The following KIAA1614 variants were observed in gnomAD, a reference collection of about 807,000 sequenced individuals.
The protein encoded by KIAA1614 is KIAA1614, also known as uncharacterized protein KIAA1614.
A neutral mutation model predicts 88.7 loss-of-function variants in KIAA1614; 76 were observed. That is an observed-to-expected ratio of 0.86 (90% CI 0.71 to 1.04). The LOEUF (loss-of-function observed/expected upper bound fraction) is 1.04, where lower values mean the gene tolerates loss of function less well. KIAA1614 is among the 50% of genes least tolerant of loss of function. KIAA1614 has a pLI of 0.00. For missense variants in KIAA1614, 1,553 were observed against 1,582.5 expected (o/e 0.98, Z 0.32); for synonymous variants, 714 against 675.5 (o/e 1.06, Z -0.88).
rs1407590876 is a variant in KIAA1614 at position 180,916,387 on chromosome 1, CA to C, written c.285del (p.Val96TrpfsTer6). On this transcript the variant is annotated frameshift_variant, in exon 2 of 9. Transcript: ENST00000367588. LOFTEE classifies it high-confidence loss of function. ...SKVRALKEKM[T>X]VAKQGVSPCS... ...GTGAGGGCTTTGAAGGAGAAGATGA[CA>C]GTGGCCAAACAGGGAGTGAGTCCCT... 1 of 1,614,190 alleles carries C rather than the reference CA, an allele frequency of 6.2e-7. No homozygotes were observed. The highest frequency in any genetic ancestry group is 8.5e-7 in the Non-Finnish European group (1 of 1,180,022).
At position 180,945,299 on chromosome 1, in the gene KIAA1614, G is replaced by A. The variant is rs753149585; in HGVS notation, c.3288-4G>A. On this transcript the variant is annotated splice_polypyrimidine_tract_variant and splice_region_variant and intron_variant, in intron 8 of 8. Coordinates refer to ENST00000367588, the MANE Select transcript of KIAA1614 (RefSeq NM_020950.2). ...CCCTCACTGTGTCTCTGGTTCCCTC[G>A]CAGGCCGGCCAAGACTTCACCACGG... is the stretch of plus-strand genomic sequence containing the variant. The A allele has an allele frequency of 5.7e-5, 90 of 1,577,622 alleles. No individual in the cohort carries two copies. Among genetic ancestry groups the A allele is most frequent in the Non-Finnish European group, 7.3e-5 (85 of 1,170,198 alleles).
At chr1:180,933,402 T>C (rs920454251) in intron 4 of KIAA1614, among the ~76,000 whole-genome samples, 64 of 152,212 alleles carry the variant, frequency 4.2e-4, no homozygotes, top group Middle Eastern at 3.4e-3. Flanking sequence ...CAGTTGGACC[T>C]ACAGACAGGA....
At position 180,920,489 on chromosome 1, in the gene KIAA1614, C is replaced by T. The variant is rs191265763; in HGVS notation, c.1061+2575C>T. Among the ~76,000 whole-genome samples the T allele has an allele frequency of 6.4e-3, 968 of 152,322 alleles. 10 individuals carry two copies. Among genetic ancestry groups the T allele is most frequent in the African/African-American group, 0.021 (867 of 41,574 alleles). On this transcript the variant is annotated intron_variant, in intron 3 of 8. Coordinates refer to ENST00000367588, the MANE Select transcript of KIAA1614 (RefSeq NM_020950.2). ...AGGACGTGCTCTGGCAGGAGGAAAGCGCAGGACCTCACTCATGAGGTCATG... is the reference window on the plus strand; with the variant it reads ...AGGACGTGCTCTGGCAGGAGGAAAGTGCAGGACCTCACTCATGAGGTCATG...
rs1202919084 is a variant in KIAA1614, at chr1:180,917,740, T to C, written c.998-111T>C. 6.9e-6 allele frequency: 6 copies of C among 872,370 alleles called. No homozygotes were observed. The African/African-American group carries it at 9.9e-5, about 14-fold the overall frequency. 54.0% of individuals were successfully genotyped at this position (872,370 alleles called of 1,614,324 possible). A position where few individuals can be genotyped will look rare whatever the true frequency, so the allele number is the denominator to read the frequency against. ...TTTCAGGCAAAGTGTTAGATTTATC[T>C]GGGGAGTAAGTTGCTTCTGGAGAAA... On this transcript the variant is annotated intron_variant, in intron 2 of 8. Transcript: ENST00000367588.
At chr1:180,915,940 C>T (rs773542457) in intron 1 of KIAA1614, among the ~76,000 whole-genome samples, 36 of 152,134 alleles carry the variant, frequency 2.4e-4, no homozygotes, top group Non-Finnish European at 4.1e-4. Context: ...CACCGCACCC[C>T]GCCCCCGATC....
At chr1:180,914,738 A>T (rs1429958851) in intron 1 of KIAA1614, among the ~76,000 whole-genome samples, 1 of 140,770 alleles carries the variant, frequency 7.1e-6, no homozygotes, top group Non-Finnish European at 1.6e-5. Context: ...TTTTATTTTT[A>T]TTTATTTTTT....
rs1400489685 is a variant in KIAA1614 at position 180,930,436 on chromosome 1, G to A, written c.1205+1863G>A. On this transcript the variant is annotated intron_variant, in intron 4 of 8. Coordinates refer to ENST00000367588, the MANE Select transcript of KIAA1614 (RefSeq NM_020950.2). ...TCCATCTCAAAAAAAAAAGGAATGG[G>A]CATGACTTCTTCAGGGCATCCTAAC... 4.6e-5 allele frequency among the ~76,000 whole-genome samples: 7 copies of A among 152,010 alleles called. 1 individual carries two copies. The highest frequency in any genetic ancestry group is 1.2e-4 in the African/African-American group (5 of 41,384).
chr1:180,931,845 G>A (rs760825964), intron 4 of KIAA1614, among the ~76,000 whole-genome samples: 3 of 152,150 alleles, frequency 2.0e-5, no homozygotes, highest in African/African-American at 4.8e-5. Flanking sequence ...TCCTGCCAGC[G>A]GACAGGGCAC....
chr1:180,937,117 G>A (rs1456607934), intron 5 of KIAA1614, among the ~76,000 whole-genome samples: 1 of 152,236 alleles, frequency 6.6e-6, no homozygotes, highest in East Asian at 1.9e-4. Context: ...ACATGGCTGA[G>A]GCCCTGCCCC....
At chr1:180,937,727 A>G (rs1654363299) in intron 5 of KIAA1614, among the ~76,000 whole-genome samples, 1 of 152,210 alleles carries the variant, frequency 6.6e-6, no homozygotes, top group Non-Finnish European at 1.5e-5. Flanking sequence ...GCACAGGGAC[A>G]CACAGACTTG....
rs1275828310 is a variant in KIAA1614, at chr1:180,913,096, C to A, written c.-148C>A. On this transcript the variant is annotated 5_prime_UTR_variant, in exon 1 of 9. Coordinates refer to ENST00000367588, the MANE Select transcript of KIAA1614 (RefSeq NM_020950.2). ...AGCTGGCCCGGCCTCGGCGCCGTCCCGGACCCCCAGTCGGCCGCGCCCCGA... is the reference window on the plus strand; with the variant it reads ...AGCTGGCCCGGCCTCGGCGCCGTCCAGGACCCCCAGTCGGCCGCGCCCCGA... 4.1e-6 allele frequency: 2 copies of A among 485,928 alleles called. No individual in the cohort carries two copies. The highest frequency in any genetic ancestry group is 9.3e-5 in the Admixed American group (2 of 21,518). The allele number at this position is 485,928 out of a possible 1,614,324, so 30.1% of individuals were successfully genotyped here.
Position 180,916,300 on chromosome 1 carries a change from C to A in KIAA1614, c.197C>A (p.Ala66Asp), listed in dbSNP as rs200657202. 8 of 1,610,996 alleles carry A rather than the reference C, an allele frequency of 5.0e-6. No individual in the cohort carries two copies. Among genetic ancestry groups the A allele is most frequent in the Admixed American group, 1.7e-5 (1 of 59,902 alleles). ...PQENRTSSLM[A>D]PQPPRVWGVQ... ...GAAAACAGAACATCCAGCCTGATGG[C>A]CCCCCAGCCTCCCAGGGTATGGGGA... Residue 66 changes from alanine to aspartate, a missense_variant, in exon 2 of 9, where the codon GCC becomes GAC. By Grantham distance (126) the Ala-to-Asp change is moderately radical (BLOSUM62 -2). Coordinates refer to ENST00000367588, the MANE Select transcript of KIAA1614 (RefSeq NM_020950.2).
At position 180,917,758 on chromosome 1, in the gene KIAA1614, T is replaced by C. The variant is rs113168559; in HGVS notation, c.998-93T>C. On this transcript the variant is annotated intron_variant, in intron 2 of 8. Transcript: ENST00000367588. ...ATTTATCTGGGGAGTAAGTTGCTTC[T>C]GGAGAAACTCTTCTCCTCAGTGTTC... The C allele has an allele frequency of 1.7e-4, 175 of 1,032,180 alleles. No homozygotes were observed. In the African/African-American group the frequency reaches 1.8e-3, roughly 11 times the overall value. 63.9% of individuals were successfully genotyped at this position (1,032,180 alleles called of 1,614,324 possible). A position where few individuals can be genotyped will look rare whatever the true frequency, so the allele number is the denominator to read the frequency against.
At position 180,945,977 on chromosome 1, in the gene KIAA1614, C is replaced by G. The variant is rs563788520; in HGVS notation, c.*389C>G. 58 of 198,380 alleles carry G rather than the reference C, an allele frequency of 2.9e-4. No homozygotes were observed. The highest frequency in any genetic ancestry group is 1.4e-3 in the African/African-American group (58 of 42,490). 12.3% of individuals were successfully genotyped at this position (198,380 alleles called of 1,614,324 possible). A position where few individuals can be genotyped will look rare whatever the true frequency, so the allele number is the denominator to read the frequency against. On this transcript the variant is annotated 3_prime_UTR_variant, in exon 9 of 9. Coordinates refer to ENST00000367588, the MANE Select transcript of KIAA1614 (RefSeq NM_020950.2). ...AATTAGCTGGGCGTGGTGGCGCATG[C>G]CTATAATCCCAGCTACTTGGGAGGC... is the stretch of plus-strand genomic sequence containing the variant.
Position 180,935,544 on chromosome 1 carries a change from C to T in KIAA1614, c.1635C>T (p.Asp545=). The change falls in exon 5 of 9, where the codon GAC becomes GAT. Residue 545 remains aspartate (D), a synonymous_variant. Coordinates refer to ENST00000367588, the MANE Select transcript of KIAA1614 (RefSeq NM_020950.2). This position sits in a 1 kb window ranked among gnomAD's most constrained non-coding sequence, Gnocchi z 6.1. ...AGGCCTGCGGCAGCTGCATCGACGA[C>T]CCGCGCCCCGCCCAGGGGAAGGCGC... is the stretch of plus-strand genomic sequence containing the variant. The part of the protein sequence containing the change: ...RCQACGSCID[D]PRPAQGKAPP... 1 of 1,584,652 alleles carries T rather than the reference C, an allele frequency of 6.3e-7. No homozygotes were observed. Among genetic ancestry groups the T allele is most frequent in the Non-Finnish European group, 8.6e-7 (1 of 1,167,158 alleles).
In KIAA1614 at chr1:180,935,134, G is replaced by A. The variant is rs1202521841; in HGVS notation, c.1225G>A (p.Ala409Thr). 1.4e-6 allele frequency: 2 copies of A among 1,441,982 alleles called. No homozygotes were observed. Among genetic ancestry groups the A allele is most frequent in the South Asian group, 3.2e-5 (2 of 62,876 alleles). 89.3% of individuals were successfully genotyped at this position (1,441,982 alleles called of 1,614,324 possible). A position where few individuals can be genotyped will look rare whatever the true frequency, so the allele number is the denominator to read the frequency against. Residue 409 changes from alanine to threonine, a missense_variant, in exon 5 of 9, where the codon GCC becomes ACC. Ala to Thr is a moderately conservative substitution (Grantham distance 58, BLOSUM62 0). Coordinates refer to ENST00000367588, the MANE Select transcript of KIAA1614 (RefSeq NM_020950.2). This position sits in a 1 kb window ranked among gnomAD's most constrained non-coding sequence, Gnocchi z 6.1. The part of the protein sequence containing the change: ...QGSRDGHRSP[A>T]RDPRTTPACR... ...CATCAGAGATGGCCACAGAAGCCCAGCCCGGGACCCCAGGACGACCCCTGC... is the reference window on the plus strand; with the variant it reads ...CATCAGAGATGGCCACAGAAGCCCAACCCGGGACCCCAGGACGACCCCTGC...
chr1:180,927,192 G>C (rs1458327708), intron 3 of KIAA1614, among the ~76,000 whole-genome samples: 1 of 152,166 alleles, frequency 6.6e-6, no homozygotes, highest in Admixed American at 6.5e-5. Flanking sequence ...CCCCAGTCAG[G>C]ACCATGGTGA....
chr1:180,934,892 C>T (rs1239950710), intron 4 of KIAA1614, among the ~76,000 whole-genome samples: 2 of 152,164 alleles, frequency 1.3e-5, no homozygotes, highest in African/African-American at 2.4e-5. Flanking sequence ...CGGAAGGTGG[C>T]CTTGGTTTTG....
intron 4 of KIAA1614, among the ~76,000 whole-genome samples, chr1:180,934,464 C>T (rs903237614): frequency 1.3e-5 from 2 of 151,952 alleles, no homozygotes; most frequent in South Asian, 2.1e-4. Flanking sequence ...GTGAAGCACA[C>T]CTGTGGTCCC....
Sources: gnomAD v4.1 joint callset for allele counts (sites outside exome capture counted in the v4.1 genomes callset) on GRCh38, gnomAD v4.1.1 for gene constraint, Gnocchi (gnomAD v3.1) non-coding constraint, MANE v1.5 for transcripts, NCBI Gene and HGNC (gene_info 2026-07-23, HGNC 2026-07-21) for gene names.